Variants in SCRN3 observed in about 807,000 individuals in gnomAD.
SCRN3 encodes secernin-3.
In SCRN3, 39 loss-of-function variants were observed where a neutral mutation model predicts 43.1. The observed-to-expected ratio is 0.91, with a 90% CI of 0.70 to 1.18. The LOEUF (loss-of-function observed/expected upper bound fraction) is 1.18, where lower values mean the gene tolerates loss of function less well. SCRN3 is among the 50% of genes most tolerant of loss of function. The pLI is 0.00. For missense variants in SCRN3, 484 were observed against 498.0 expected (o/e 0.97, Z 0.27); for synonymous variants, 147 against 163.1 (o/e 0.90, Z 0.75).
intron 1 of SCRN3, chr2:174,396,226 T>C (rs1186932662): frequency 3.3e-6 from 3 of 914,590 alleles, no homozygotes; most frequent in Non-Finnish European, 2.7e-6. Context: ...TGTACCCAGC[T>C]GTACGGTACT....
chr2:174,415,615 C>A (rs1271164775), intron 5 of SCRN3, among the ~76,000 whole-genome samples: 1 of 151,964 alleles, frequency 6.6e-6, no homozygotes, highest in Non-Finnish European at 1.5e-5. Context: ...ATTAATATAC[C>A]CTCCTTCACT....
chr2:174,408,354 C>T lies in SCRN3; in HGVS notation c.754+4039C>T, dbSNP rs1574653882. Among the ~76,000 whole-genome samples, 3 of 134,942 alleles carry T rather than the reference C, an allele frequency of 2.2e-5. No individual in the cohort carries two copies. In the Admixed American group the frequency reaches 2.3e-4, roughly 10 times the overall value. 88.5% of individuals were successfully genotyped at this position (134,942 alleles called of 152,430 possible). On this transcript the variant is annotated intron_variant, in intron 5 of 7. Transcript: ENST00000272732. ...CCTTTTATTTTGAGCCTATGTGTGT[C>T]TCTGCACGTGAGATGGGTTTCCTGA...
Position 174,426,771 on chromosome 2 carries a change from CCAAAACAAAA to C in SCRN3, c.1093-926_1093-917del, listed in dbSNP as rs201684673. 8.6e-5 allele frequency among the ~76,000 whole-genome samples: 13 copies of C among 151,434 alleles called. No individual in the cohort carries two copies. The South Asian group carries it at 2.5e-3, about 29-fold the overall frequency. On this transcript the variant is annotated intron_variant, in intron 7 of 7. Coordinates refer to ENST00000272732, the MANE Select transcript of SCRN3 (RefSeq NM_024583.5). ...TGGGCGACAGAATGAGACTCCATCTCCAAAACAAAACAAAACAAAACAAAAACAAAAACAA... is the reference window on the plus strand; with the variant it reads ...TGGGCGACAGAATGAGACTCCATCTCCAAAACAAAACAAAAACAAAAACAA...
At chr2:174,416,845 G>C (rs999144831) in intron 5 of SCRN3, among the ~76,000 whole-genome samples, 1 of 152,050 alleles carries the variant, frequency 6.6e-6, no homozygotes, top group Non-Finnish European at 1.5e-5. Flanking sequence ...TATTAGTGTT[G>C]TTTGGTGCTA....
At chr2:174,402,986 G>A (rs1685557527) in intron 4 of SCRN3, among the ~76,000 whole-genome samples, 1 of 151,180 alleles carries the variant, frequency 6.6e-6, no homozygotes, top group Non-Finnish European at 1.5e-5. Flanking sequence ...AATATTTTTG[G>A]AAGTCATATA....
chr2:174,420,074 G>C (rs928469614), intron 5 of SCRN3, among the ~76,000 whole-genome samples: 1 of 152,038 alleles, frequency 6.6e-6, no homozygotes, highest in African/African-American at 2.4e-5. Context: ...GTTTCTTAAC[G>C]CAATTGCCAA....
intron 2 of SCRN3, among the ~76,000 whole-genome samples, chr2:174,398,723 T>C (rs1481626565): frequency 6.6e-6 from 1 of 152,222 alleles, no homozygotes; most frequent in African/African-American, 2.4e-5. Context: ...CTGTCAAGAC[T>C]CTGTTCCAGG....
At chr2:174,402,208 A>G (rs1388006210) in intron 4 of SCRN3, among the ~76,000 whole-genome samples, 1 of 152,208 alleles carries the variant, frequency 6.6e-6, no homozygotes, top group Admixed American at 6.5e-5. Flanking sequence ...TATTAAATGT[A>G]CTACGTGCAA....
chr2:174,425,973 G>A (rs1686467771), intron 7 of SCRN3, among the ~76,000 whole-genome samples: 3 of 152,030 alleles, frequency 2.0e-5, no homozygotes, highest in Admixed American at 2.0e-4. Context: ...TTTCCCTTAG[G>A]CTATTTTTCC....
At position 174,413,649 on chromosome 2, in the gene SCRN3, G is replaced by C. The variant is rs1341413324; in HGVS notation, c.755-9236G>C. On this transcript the variant is annotated intron_variant, in intron 5 of 7. Coordinates refer to ENST00000272732, the MANE Select transcript of SCRN3 (RefSeq NM_024583.5). Reference sequence around the variant, plus strand: ...TCTGTTACCCAAGCTGGAGTGCAGTGGTACGATCTTGGCTCACTGCAACCT... The same window carrying C: ...TCTGTTACCCAAGCTGGAGTGCAGTCGTACGATCTTGGCTCACTGCAACCT... Among the ~76,000 whole-genome samples the C allele has an allele frequency of 2.1e-5, 3 of 142,978 alleles. No homozygotes were observed. In the East Asian group the frequency reaches 6.1e-4, roughly 29 times the overall value. The allele number at this position is 142,978 out of a possible 152,430, so 93.8% of individuals were successfully genotyped here.
intron 5 of SCRN3, among the ~76,000 whole-genome samples, chr2:174,417,277 C>A (rs1686145824): frequency 6.6e-6 from 1 of 151,872 alleles, no homozygotes. Context: ...TATCCCGGAA[C>A]TCAAAATTTA....
chr2:174,427,669 G>A (rs543512817), intron 7 of SCRN3, 44 bp from the exon 8 acceptor site: 23 of 1,223,908 alleles, frequency 1.9e-5, no homozygotes, highest in South Asian at 5.2e-5. Flanking sequence ...TTAGATTTAT[G>A]TGTATATGTA....
At chr2:174,425,283 G>T (rs1039132964) in intron 7 of SCRN3, among the ~76,000 whole-genome samples, 1 of 152,100 alleles carries the variant, frequency 6.6e-6, no homozygotes, top group Non-Finnish European at 1.5e-5. Context: ...GGTATAGATA[G>T]ATAGGTCATT....
At chr2:174,399,399 A>C (rs1398377800) in intron 2 of SCRN3, among the ~76,000 whole-genome samples, 1 of 152,154 alleles carries the variant, frequency 6.6e-6, no homozygotes, top group Admixed American at 6.5e-5. Flanking sequence ...TCCTATGACA[A>C]AACTCTTGTA....
At chr2:174,401,854 C>G (rs758872348) in intron 4 of SCRN3, among the ~76,000 whole-genome samples, 6 of 152,056 alleles carry the variant, frequency 3.9e-5, no homozygotes, top group Non-Finnish European at 7.4e-5. Context: ...TAATCATGTC[C>G]TTCTCGGGTA....
At chr2:174,397,396 A>G in intron 1 of SCRN3, 1 of 925,604 alleles carries the variant, frequency 1.1e-6, no homozygotes, top group Non-Finnish European at 1.3e-6. Context: ...CCAAGTTACA[A>G]CTGAAGAGGT....
intron 7 of SCRN3, among the ~76,000 whole-genome samples, chr2:174,425,608 A>G: frequency 6.6e-6 from 1 of 151,894 alleles, no homozygotes; most frequent in Non-Finnish European, 1.5e-5. Flanking sequence ...CACCTATTTC[A>G]CTTATGCTCA....
intron 5 of SCRN3, among the ~76,000 whole-genome samples, chr2:174,416,956 ATATCT>A (rs1346538673): frequency 1.3e-5 from 2 of 152,194 alleles, no homozygotes; most frequent in Non-Finnish European, 2.9e-5. Context: ...AAAGTAGTTA[ATATCT>A]TATTTATATT....
In SCRN3 at chr2:174,409,692, C is replaced by G. The variant is rs1480964110; in HGVS notation, c.754+5377C>G. ...TCCTTCTAACAGACAGGACCCTCAG[C>G]TGCAGGTCTGTTGGAATACCCTGCC... is the stretch of plus-strand genomic sequence containing the variant. On this transcript the variant is annotated intron_variant, in intron 5 of 7. Coordinates refer to ENST00000272732, the MANE Select transcript of SCRN3 (RefSeq NM_024583.5). Among the ~76,000 whole-genome samples, 645 of 138,364 alleles carry G rather than the reference C, an allele frequency of 4.7e-3. 2 individuals are homozygous for G. Among genetic ancestry groups the G allele is most frequent in the African/African-American group, 0.016 (593 of 38,138 alleles). The allele number at this position is 138,364 out of a possible 152,430, so 90.8% of individuals were successfully genotyped here.
Sources: allele counts gnomAD v4.1 joint callset (sites outside exome capture counted in the v4.1 genomes callset), GRCh38; gene constraint gnomAD v4.1.1; transcripts MANE v1.5; gene names NCBI Gene and HGNC (gene_info 2026-07-23, HGNC 2026-07-21).